Variants in BRINP2 observed in about 807,000 individuals in gnomAD.
BRINP2 encodes the protein BMP/retinoic acid-inducible neural-specific protein 2.
BRINP2 carries 21 observed loss-of-function variants against 69.2 expected under a neutral mutation model. The ratio of observed to expected loss-of-function variants is 0.30; its 90% CI spans 0.22 to 0.44. The LOEUF (loss-of-function observed/expected upper bound fraction) is 0.44. Ranked by LOEUF, BRINP2 falls within the 20% of genes least tolerant of loss-of-function variation. BRINP2 has a pLI of 1.00. For synonymous variants in BRINP2, 380 were observed against 394.1 expected (o/e 0.96, Z 0.42); for missense variants, 877 against 986.0 (o/e 0.89, Z 1.48).
chr1:177,205,422 C>T (rs1359652795), intron 1 of BRINP2, among the ~76,000 whole-genome samples: 1 of 152,138 alleles, frequency 6.6e-6, no homozygotes, highest in African/African-American at 2.4e-5. Flanking sequence ...GGGATTACAG[C>T]CGTGAGCCAC....
At chr1:177,186,912 G>T (rs1044368964) in intron 1 of BRINP2, among the ~76,000 whole-genome samples, 2 of 152,062 alleles carry the variant, frequency 1.3e-5, no homozygotes, top group Non-Finnish European at 2.9e-5. Context: ...AACAATATGC[G>T]CCTTTTAATG....
At chr1:177,237,692 C>G (rs973947590) in intron 2 of BRINP2, among the ~76,000 whole-genome samples, 1 of 152,132 alleles carries the variant, frequency 6.6e-6, no homozygotes, top group Non-Finnish European at 1.5e-5. Flanking sequence ...GGTAAGAGAT[C>G]TTGAGTCAGT....
intron 1 of BRINP2, among the ~76,000 whole-genome samples, chr1:177,224,561 G>T (rs932311): frequency 0.5 from 75,470 of 151,750 alleles, 19,039 homozygotes; most frequent in South Asian, 0.61. Flanking sequence ...CTTGCCTGAG[G>T]GAGCCAACTT....
rs146158555 is a variant in BRINP2 at position 177,201,304 on chromosome 1, A to G, written c.-76-28497A>G. 1.0e-3 allele frequency among the ~76,000 whole-genome samples: 153 copies of G among 152,284 alleles called. 1 individual carries two copies. The highest frequency in any genetic ancestry group is 3.4e-3 in the Middle Eastern group (1 of 294). On this transcript the variant is annotated intron_variant, in intron 1 of 7. Transcript: ENST00000361539. Reference sequence around the variant, plus strand: ...TGCCTTTAGTTTAATTTCTTCTAACATGTTTCTCTTTTAATTGGCTTGGAC... The same window carrying G: ...TGCCTTTAGTTTAATTTCTTCTAACGTGTTTCTCTTTTAATTGGCTTGGAC...
intron 5 of BRINP2, among the ~76,000 whole-genome samples, 174 bp from the exon 6 acceptor site, chr1:177,276,024 G>A (rs1407357179): frequency 6.6e-6 from 1 of 152,226 alleles, no homozygotes; most frequent in Non-Finnish European, 1.5e-5. Context: ...CACTGGGGCA[G>A]TAGTAGCCTT....
chr1:177,224,370 T>C (rs1649631733), intron 1 of BRINP2, among the ~76,000 whole-genome samples: 3 of 152,188 alleles, frequency 2.0e-5, no homozygotes, highest in African/African-American at 7.2e-5. Flanking sequence ...TCTTTTATGT[T>C]TCAGTCCCTT....
chr1:177,207,442 G>A (rs572923693), intron 1 of BRINP2, among the ~76,000 whole-genome samples: 10 of 152,254 alleles, frequency 6.6e-5, no homozygotes, highest in Non-Finnish European at 8.8e-5. Flanking sequence ...ATGTAAGGGC[G>A]GGCATGTGGA....
At chr1:177,271,622 A>T (rs1651331423) in intron 4 of BRINP2, among the ~76,000 whole-genome samples, 1 of 152,276 alleles carries the variant, frequency 6.6e-6, no homozygotes, top group East Asian at 1.9e-4. Flanking sequence ...TGGGAAAGTT[A>T]AGTGGGATGC....
chr1:177,177,694 G>A (rs1190936766), intron 1 of BRINP2, among the ~76,000 whole-genome samples: 1 of 152,058 alleles, frequency 6.6e-6, no homozygotes, highest in African/African-American at 2.4e-5. Context: ...GTAAAAGGGG[G>A]ATTATTACCT....
intron 1 of BRINP2, among the ~76,000 whole-genome samples, chr1:177,204,933 T>A (rs1381951853): frequency 6.6e-6 from 1 of 152,222 alleles, no homozygotes; most frequent in Non-Finnish European, 1.5e-5. Flanking sequence ...TTCATACCAC[T>A]AAGTGTTCTT....
Position 177,280,108 on chromosome 1 carries a change from TG to T in BRINP2, c.1236-302del, listed in dbSNP as rs574339618. Among the ~76,000 whole-genome samples the T allele has an allele frequency of 2.6e-3, 399 of 152,296 alleles. 2 individuals carry two copies. Among genetic ancestry groups the T allele is most frequent in the African/African-American group, 9.3e-3 (385 of 41,556 alleles). On this transcript the variant is annotated intron_variant, in intron 7 of 7. Transcript: ENST00000361539. The stretch of plus-strand genomic sequence containing the variant: ...AAAACAGATTTGACACAAAAGATGC[TG>T]GAGATCCTCTGTAGGTTTTTGAATA...
chr1:177,202,509 G>A (rs1298013696), intron 1 of BRINP2, among the ~76,000 whole-genome samples: 1 of 152,154 alleles, frequency 6.6e-6, no homozygotes, highest in East Asian at 1.9e-4. Context: ...TAGTTGAGTG[G>A]TTTTGAGTGA....
At chr1:177,236,829 G>C (rs955806840) in intron 2 of BRINP2, among the ~76,000 whole-genome samples, 1 of 150,676 alleles carries the variant, frequency 6.6e-6, no homozygotes, top group African/African-American at 2.4e-5. Context: ...TCCTTTCCCT[G>C]TTCTTCCCCA....
At chr1:177,232,507 G>T (rs1649890299) in intron 2 of BRINP2, among the ~76,000 whole-genome samples, 1 of 152,212 alleles carries the variant, frequency 6.6e-6, no homozygotes, top group South Asian at 2.1e-4. Context: ...TGGTGGGGCA[G>T]AGAGAGGATA....
chr1:177,240,739 G>T (rs150919912), intron 2 of BRINP2, among the ~76,000 whole-genome samples: 1 of 152,176 alleles, frequency 6.6e-6, no homozygotes, highest in Non-Finnish European at 1.5e-5. Flanking sequence ...AAACCACAGG[G>T]CTTATTAGCC....
intron 1 of BRINP2, among the ~76,000 whole-genome samples, chr1:177,227,074 C>T (rs1219003262): frequency 1.3e-5 from 2 of 152,154 alleles, no homozygotes; most frequent in Non-Finnish European, 1.5e-5. Flanking sequence ...GTCATTGAAT[C>T]GTAACTCAAA....
chr1:177,261,653 T>C (rs1650958012), intron 4 of BRINP2, among the ~76,000 whole-genome samples: 1 of 152,184 alleles, frequency 6.6e-6, no homozygotes, highest in South Asian at 2.1e-4. Context: ...AGGCCATGAT[T>C]GAAGATGGAA....
chr1:177,240,020 C>T (rs925347199), intron 2 of BRINP2, among the ~76,000 whole-genome samples: 1 of 152,162 alleles, frequency 6.6e-6, no homozygotes, highest in African/African-American at 2.4e-5. Flanking sequence ...AGTAAGAAGT[C>T]TTACTGGCTG....
chr1:177,185,181 C>A (rs1277022781), intron 1 of BRINP2, among the ~76,000 whole-genome samples: 1 of 151,840 alleles, frequency 6.6e-6, no homozygotes, highest in Admixed American at 6.6e-5. Context: ...AGTTGGAGAA[C>A]GTGCCCTCCT....
Sources: gnomAD v4.1 joint callset for allele counts (sites outside exome capture counted in the v4.1 genomes callset) on GRCh38, gnomAD v4.1.1 for gene constraint, MANE v1.5 for transcripts, NCBI Gene and HGNC (gene_info 2026-07-23, HGNC 2026-07-21) for gene names.